Variants in CCDC7 observed in about 807,000 individuals in gnomAD.
CCDC7 encodes the protein coiled-coil domain-containing protein 7.
Under a neutral mutation model 196.9 loss-of-function variants are expected in CCDC7, and 183 were observed. That is an observed-to-expected ratio of 0.93 (90% CI 0.82 to 1.05). CCDC7 has a LOEUF of 1.05. Among genes scored for constraint, CCDC7 ranks in the 50% least tolerant of loss-of-function variants. The pLI is 0.00. For missense variants in CCDC7, 1,540 were observed against 1,482.2 expected (o/e 1.04, Z -0.64); for synonymous variants, 525 against 484.6 (o/e 1.08, Z -1.10).
intron 28 of CCDC7, among the ~76,000 whole-genome samples, chr10:32,737,039 T>C (rs557478868): frequency 4.2e-4 from 64 of 152,142 alleles, no homozygotes; most frequent in Non-Finnish European, 8.4e-4. Context: ...CCTACTATTC[T>C]TAGTTTGCTG....
chr10:32,826,699 G>C (rs1223751974), intron 32 of CCDC7, among the ~76,000 whole-genome samples: 1 of 152,210 alleles, frequency 6.6e-6, no homozygotes, highest in African/African-American at 2.4e-5. Flanking sequence ...AATAAGGCCT[G>C]GTTCCCAGAT....
At chr10:32,568,442 T>C (rs2057160254) in intron 15 of CCDC7, among the ~76,000 whole-genome samples, 1 of 152,248 alleles carries the variant, frequency 6.6e-6, no homozygotes, top group African/African-American at 2.4e-5. Flanking sequence ...CCTTTATTTT[T>C]ACCTTCTCTT....
At chr10:32,764,037 A>G (rs2077872492) in intron 28 of CCDC7, among the ~76,000 whole-genome samples, 1 of 151,962 alleles carries the variant, frequency 6.6e-6, no homozygotes, top group Non-Finnish European at 1.5e-5. Flanking sequence ...TGCAATGTAT[A>G]CATATATCAA....
At chr10:32,473,818 G>A (rs1248259795) in intron 7 of CCDC7, 149 bp from the exon 9 acceptor site, 11 of 617,492 alleles carry the variant, frequency 1.8e-5, no homozygotes, top group Non-Finnish European at 2.8e-5. Context: ...TACCTGATTA[G>A]GAAGATCTGC....
intron 31 of CCDC7, among the ~76,000 whole-genome samples, chr10:32,815,822 C>T (rs2088336863): frequency 6.6e-6 from 1 of 152,194 alleles, no homozygotes; most frequent in Non-Finnish European, 1.5e-5. Context: ...CTTTTGAAGT[C>T]CAGAAGGCTG....
chr10:32,818,164 C>CA (rs1335009543), intron 31 of CCDC7, among the ~76,000 whole-genome samples: 8 of 151,508 alleles, frequency 5.3e-5, no homozygotes, highest in Non-Finnish European at 1.2e-4. Flanking sequence ...AAATGGAAAA[C>CA]AAAAAAAGGC....
At chr10:32,474,892 A>T (rs1309415394) in intron 8 of CCDC7, among the ~76,000 whole-genome samples, 1 of 152,226 alleles carries the variant, frequency 6.6e-6, no homozygotes, top group Non-Finnish European at 1.5e-5. Flanking sequence ...TGCTTGGAAC[A>T]GGTTGCTGGG....
At chr10:32,835,499 G>A (rs930566528) in intron 33 of CCDC7, among the ~76,000 whole-genome samples, 2 of 152,094 alleles carry the variant, frequency 1.3e-5, no homozygotes, top group Non-Finnish European at 2.9e-5. Flanking sequence ...ATACAATGCA[G>A]ACATAAAAAA....
At chr10:32,817,009 A>C (rs1189979166) in intron 31 of CCDC7, among the ~76,000 whole-genome samples, 2 of 152,246 alleles carry the variant, frequency 1.3e-5, no homozygotes, top group East Asian at 3.8e-4. Context: ...GAGTTGAGAG[A>C]AGAAGGCTTC....
At chr10:32,817,945 C>T (rs1358215237) in intron 31 of CCDC7, among the ~76,000 whole-genome samples, 2 of 152,134 alleles carry the variant, frequency 1.3e-5, no homozygotes, top group Non-Finnish European at 2.9e-5. Flanking sequence ...AGCAAAATAA[C>T]CAGCTAACAT....
intron 9 of CCDC7, among the ~76,000 whole-genome samples, chr10:32,507,257 C>T (rs1025258577): frequency 4.6e-5 from 7 of 152,072 alleles, no homozygotes; most frequent in Non-Finnish European, 1.0e-4. Context: ...TCCCAAAGTG[C>T]TGGGATTACA....
chr10:32,457,284 A>G (rs1406492965), intron 3 of CCDC7, among the ~76,000 whole-genome samples: 2 of 152,144 alleles, frequency 1.3e-5, no homozygotes, highest in African/African-American at 2.4e-5. Flanking sequence ...TCTTCATATA[A>G]TATCCTATAG....
chr10:32,845,713 T>C, intron 35 of CCDC7, 87 bp downstream of exon 36: 1 of 1,263,672 alleles, frequency 7.9e-7, no homozygotes, highest in Non-Finnish European at 1.1e-6. Context: ...ATGGCAATAG[T>C]ACCTATATGT....
chr10:32,802,662 C>G (rs555893897), intron 29 of CCDC7, among the ~76,000 whole-genome samples: 1 of 152,118 alleles, frequency 6.6e-6, no homozygotes, highest in Non-Finnish European at 1.5e-5. Context: ...AGCTGAGGAG[C>G]AAGGAATCCA....
rs1223213472 is a variant in CCDC7, at chr10:32,584,307, A to G, written c.1801+3A>G. ...CCAAGCAGCAGAAAAATCTCAAGGT[A>G]AAAAGACTCTGTTTTGGAAGATGAA... On this transcript the variant is annotated splice_donor_region_variant and intron_variant, in intron 18 of 41. Transcript: ENST00000639629. 1.0e-5 allele frequency: 16 copies of G among 1,578,542 alleles called. No homozygotes were observed. Among genetic ancestry groups the G allele is most frequent in the Middle Eastern group, 3.4e-4 (2 of 5,970 alleles).
intron 20 of CCDC7, among the ~76,000 whole-genome samples, chr10:32,650,195 A>G (rs1179059632): frequency 6.6e-6 from 1 of 152,162 alleles, no homozygotes; most frequent in Non-Finnish European, 1.5e-5. Context: ...TGCTTCTGGA[A>G]GTTTCAGAGG....
At chr10:32,815,549 T>A (rs899418478) in intron 31 of CCDC7, among the ~76,000 whole-genome samples, 18 of 151,290 alleles carry the variant, frequency 1.2e-4, no homozygotes, top group African/African-American at 4.4e-4. Context: ...AGAAGGAGAG[T>A]CTTCCAAGTA....
chr10:32,759,815 G>A (rs930421233), intron 28 of CCDC7, among the ~76,000 whole-genome samples: 51 of 152,180 alleles, frequency 3.4e-4, no homozygotes, highest in African/African-American at 1.1e-3. Flanking sequence ...GCAACCTACA[G>A]AATGGGAGAA....
intron 28 of CCDC7, among the ~76,000 whole-genome samples, chr10:32,758,173 A>G (rs1214563501): frequency 6.6e-6 from 1 of 152,188 alleles, no homozygotes; most frequent in African/African-American, 2.4e-5. Context: ...CCAGAGGTAC[A>G]AAAAGGGGCT....
Sources: allele counts gnomAD v4.1 joint callset (sites outside exome capture counted in the v4.1 genomes callset), GRCh38; gene constraint gnomAD v4.1.1; transcripts MANE v1.5; gene names NCBI Gene and HGNC (gene_info 2026-07-23, HGNC 2026-07-21).